ANKRD36C: variants seen among roughly 807,000 people sequenced by gnomAD.
The protein encoded by ANKRD36C is ankyrin repeat domain-containing protein 36C.
In ANKRD36C, 61 loss-of-function variants were observed where a neutral mutation model predicts 276.4. That is an observed-to-expected ratio of 0.22 (90% CI 0.18 to 0.27). The LOEUF is 0.27. ANKRD36C is among the 10% of genes least tolerant of loss of function. The probability of loss-of-function intolerance (pLI) is 1.00; values close to 1 mark genes in which losing one functional copy is unlikely to be tolerated. For synonymous variants in ANKRD36C, 483 were observed against 680.1 expected, an observed-to-expected ratio of 0.71 and a Z score of 4.51; for missense variants, 1,447 against 2,032.3, an observed-to-expected ratio of 0.71 and a Z score of 5.54.
rs1449080677 is a variant in ANKRD36C, at chr2:95,851,977, A to G, written c.5219+149T>C. The G allele has an allele frequency of 2.4e-5, 26 of 1,100,576 alleles. No homozygotes were observed. The African/African-American group carries it at 2.7e-4, about 11-fold the overall frequency. The allele number at this position is 1,100,576 out of a possible 1,614,324, so 68.2% of individuals were successfully genotyped here. A position where few individuals can be genotyped will look rare whatever the true frequency, so the allele number is the denominator to read the frequency against. ...TGCAAAATTTAGGAATAATGTAGAAAAATGATGTATGTCAATATAGCTTAC... is the reference window on the plus strand; with the variant it reads ...TGCAAAATTTAGGAATAATGTAGAAGAATGATGTATGTCAATATAGCTTAC... On this transcript the variant is annotated intron_variant, in intron 65 of 66. Transcript: ENST00000456556.
Position 95,852,037 on chromosome 2 carries a change from A to G in ANKRD36C, c.5219+89T>C, listed in dbSNP as rs62156870. On this transcript the variant is annotated intron_variant, in intron 65 of 66. Coordinates refer to ENST00000456556, the Ensembl canonical transcript of ANKRD36C. ...TTTTTTGGCTTCACAAAGACATACT[A>G]ATTATCATAACTGATACAATTTTCA... The G allele has an allele frequency of 2.3e-6, 3 of 1,310,054 alleles. No individual in the cohort carries two copies. The East Asian group carries it at 7.3e-5, about 32-fold the overall frequency. The allele number at this position is 1,310,054 out of a possible 1,614,324, so 81.2% of individuals were successfully genotyped here.
At chr2:95,864,912 T>A (rs4063043) in intron 60 of ANKRD36C, among the ~76,000 whole-genome samples, 1 of 152,052 alleles carries the variant, frequency 6.6e-6, no homozygotes, top group African/African-American at 2.4e-5. Flanking sequence ...CCAGAACTAA[T>A]AAGTGAGTTT....
At chr2:95,967,863 G>A (rs1157283143) in intron 6 of ANKRD36C, among the ~76,000 whole-genome samples, 1 of 152,050 alleles carries the variant, frequency 6.6e-6, no homozygotes, top group East Asian at 1.9e-4. Context: ...CAAGGTGGGT[G>A]GATCACATGA....
intron 64 of ANKRD36C, chr2:95,853,018 A>G (rs1416994580): frequency 1.3e-5 from 2 of 152,324 alleles, no homozygotes; most frequent in African/African-American, 2.4e-5. Flanking sequence ...TCTCAAACCC[A>G]TCCTTTGCTG....
At chr2:95,913,754 T>C (rs535643172) in intron 40 of ANKRD36C, among the ~76,000 whole-genome samples, 23 of 151,532 alleles carry the variant, frequency 1.5e-4, no homozygotes, top group Admixed American at 7.2e-4. Flanking sequence ...CTTGGCAGTA[T>C]GATCTGAAGT....
chr2:95,948,709 T>C (rs1678121673), intron 16 of ANKRD36C, 113 bp from the exon 17 acceptor site: 1 of 911,824 alleles, frequency 1.1e-6, no homozygotes, highest in Non-Finnish European at 1.6e-6. Flanking sequence ...AAACAAAGTC[T>C]GAGGAAGGTC....
chr2:95,895,743 C>G (rs1676520359), intron 44 of ANKRD36C, among the ~76,000 whole-genome samples, 153 bp from the exon 61 acceptor site: 2 of 150,952 alleles, frequency 1.3e-5, no homozygotes, highest in South Asian at 2.1e-4. Flanking sequence ...CAGAAGGTGA[C>G]AGAAATACAC....
rs746417102 is a variant in ANKRD36C at position 95,923,647 on chromosome 2, G to C, written c.2070+14C>G. On this transcript the variant is annotated intron_variant, in intron 31 of 66. Coordinates refer to ENST00000456556, the Ensembl canonical transcript of ANKRD36C. ...ACAGTTACTAATACAAAATATAAAT[G>C]AGAGTTTAATTACCTTTGAGGGTGG... 1.9e-6 allele frequency: 3 copies of C among 1,610,180 alleles called. No individual in the cohort carries two copies. The highest frequency in any genetic ancestry group is 2.5e-6 in the Non-Finnish European group (3 of 1,177,714).
At chr2:95,987,666 C>G (rs1429187086) in intron 1 of ANKRD36C, among the ~76,000 whole-genome samples, 1 of 131,858 alleles carries the variant, frequency 7.6e-6, no homozygotes, top group East Asian at 2.5e-4. Context: ...CCAGGCCGGA[C>G]TGCGGACTGC....
intron 59 of ANKRD36C, among the ~76,000 whole-genome samples, chr2:95,869,581 C>T (rs901702577): frequency 4.6e-5 from 7 of 152,196 alleles, no homozygotes; most frequent in African/African-American, 4.8e-5. Context: ...CCAGCGTGAG[C>T]GACGCAGAAG....
intron 44 of ANKRD36C, among the ~76,000 whole-genome samples, chr2:95,892,832 T>A (rs192631184): frequency 6.6e-6 from 1 of 151,392 alleles, no homozygotes; most frequent in Non-Finnish European, 1.5e-5. Context: ...CTCATTTCTA[T>A]AACTAAAATC....
At chr2:95,903,130 A>T in intron 42 of ANKRD36C, 49 bp from the exon 53 acceptor site, 1 of 1,541,472 alleles carries the variant, frequency 6.5e-7, no homozygotes, top group East Asian at 2.4e-5. Context: ...AAATGACAAA[A>T]TTATCCACAT....
intron 6 of ANKRD36C, among the ~76,000 whole-genome samples, chr2:95,964,913 T>C (rs370673175): frequency 3.3e-5 from 5 of 152,014 alleles, no homozygotes; most frequent in African/African-American, 1.2e-4. Flanking sequence ...TCCAGAGAAA[T>C]GGGTTCTGAA....
chr2:95,856,961 G>C lies in ANKRD36C; in HGVS notation c.4080+348C>G, dbSNP rs969851393. Among the ~76,000 whole-genome samples the C allele has an allele frequency of 4.4e-4, 67 of 152,006 alleles. 1 individual carries two copies. The highest frequency in any genetic ancestry group is 2.8e-3 in the Admixed American group (43 of 15,260). ...TAAAGCTCTTCTTAGAAAATCATGA[G>C]ATTATTTGCTATTGTGATAACTTTT... is the stretch of plus-strand genomic sequence containing the variant. On this transcript the variant is annotated intron_variant, in intron 62 of 66. Transcript: ENST00000456556.
At chr2:95,852,224 A>T (rs774626498) in intron 64 of ANKRD36C, 28 bp from the exon 85 acceptor site, 31 of 1,542,656 alleles carry the variant, frequency 2.0e-5, no homozygotes, top group Admixed American at 1.4e-4. Context: ...AAAAAATTAC[A>T]TTTGGAAATG....
chr2:95,947,191 CT>C (rs1678076417), intron 17 of ANKRD36C, among the ~76,000 whole-genome samples: 1 of 152,038 alleles, frequency 6.6e-6, no homozygotes. Context: ...CTGTATCCAC[CT>C]TTCCTATTTC....
chr2:95,910,660 C>G, intron 42 of ANKRD36C, 92 bp from the exon 45 acceptor site: 1 of 1,587,056 alleles, frequency 6.3e-7, no homozygotes. Flanking sequence ...ACTCTGTCCT[C>G]CTGCCTGTAT....
chr2:95,897,444 C>A (rs759495195), intron 44 of ANKRD36C: 10 of 1,537,704 alleles, frequency 6.5e-6, no homozygotes, highest in Middle Eastern at 2.3e-4. Context: ...TACCTTCAAG[C>A]CTGGTGGTTG....
At chr2:95,912,418 G>A (rs554743371) in exon 41 of ANKRD36C, 20 of 1,604,424 alleles carry the variant, frequency 1.2e-5, no homozygotes, top group Non-Finnish European at 4.2e-6. Flanking sequence ...TTCAAGGCTG[G>A]TTTTTTCCGA....
Sources: gnomAD v4.1 joint callset for allele counts (sites outside exome capture counted in the v4.1 genomes callset) on GRCh38, gnomAD v4.1.1 for gene constraint, MANE v1.5 for transcripts, NCBI Gene and HGNC (gene_info 2026-07-23, HGNC 2026-07-21) for gene names.